Variants in CHRM3 observed in about 807,000 individuals in gnomAD.
CHRM3 encodes the protein cholinergic receptor muscarinic 3.
A neutral mutation model predicts 41.8 loss-of-function variants in CHRM3; 11 were observed. The observed-to-expected ratio is 0.26, with a 90% CI of 0.17 to 0.44. The LOEUF (loss-of-function observed/expected upper bound fraction) is 0.44, where lower values mean the gene tolerates loss of function less well. Ranked by LOEUF, CHRM3 falls within the 20% of genes least tolerant of loss-of-function variation. The probability of loss-of-function intolerance (pLI) is 1.00; values close to 1 mark genes in which losing one functional copy is unlikely to be tolerated. For synonymous variants in CHRM3, 297 were observed against 301.4 expected (o/e 0.99, Z 0.15); for missense variants, 571 against 745.4 (o/e 0.77, Z 2.72).
intron 3 of CHRM3, among the ~76,000 whole-genome samples, chr1:239,575,226 T>C (rs1662220278): frequency 6.6e-6 from 1 of 152,282 alleles, no homozygotes; most frequent in South Asian, 2.1e-4. Context: ...TAAGAACCTC[T>C]ACGTATTAGC....
At chr1:239,413,948 A>G (rs1661304563) in intron 1 of CHRM3, among the ~76,000 whole-genome samples, 1 of 152,192 alleles carries the variant, frequency 6.6e-6, no homozygotes, top group South Asian at 2.1e-4. Context: ...ATCATTTGTA[A>G]GATATCGAAA....
intron 5 of CHRM3, among the ~76,000 whole-genome samples, chr1:239,701,263 G>A (rs571531035): frequency 5.3e-4 from 80 of 152,118 alleles, no homozygotes; most frequent in Non-Finnish European, 9.8e-4. Context: ...TTTGGTCCTC[G>A]TTCTACCAGT....
intron 2 of CHRM3, among the ~76,000 whole-genome samples, chr1:239,523,587 A>G (rs1669795965): frequency 1.3e-5 from 2 of 152,188 alleles, no homozygotes; most frequent in South Asian, 2.1e-4. Flanking sequence ...GAAAATTCTC[A>G]TTGGATGACC....
intron 6 of CHRM3, among the ~76,000 whole-genome samples, chr1:239,880,840 G>T (rs978868597): frequency 6.6e-6 from 1 of 152,132 alleles, no homozygotes; most frequent in Non-Finnish European, 1.5e-5. Context: ...GCAACTAAAA[G>T]CAAGCGAGGC....
intron 2 of CHRM3, among the ~76,000 whole-genome samples, chr1:239,531,387 A>G (rs1365898201): frequency 6.6e-6 from 1 of 152,124 alleles, no homozygotes; most frequent in Non-Finnish European, 1.5e-5. Context: ...CATATGCAAG[A>G]CCCTGAGAAT....
At chr1:239,709,842 C>A (rs573959757) in intron 5 of CHRM3, among the ~76,000 whole-genome samples, 36 of 152,254 alleles carry the variant, frequency 2.4e-4, no homozygotes, top group Non-Finnish European at 4.6e-4. Context: ...CTTGTTTTAT[C>A]TTTTCTTTAA....
chr1:239,808,306 C>T (rs1487001850), intron 5 of CHRM3, among the ~76,000 whole-genome samples: 3 of 152,084 alleles, frequency 2.0e-5, no homozygotes, highest in South Asian at 4.1e-4. Flanking sequence ...TAAATCAGTA[C>T]AGCTCTGATA....
chr1:239,544,720 C>T (rs1479339048), intron 2 of CHRM3, among the ~76,000 whole-genome samples: 1 of 152,226 alleles, frequency 6.6e-6, no homozygotes, highest in Non-Finnish European at 1.5e-5. Flanking sequence ...CGAGATCTCA[C>T]TTTATATCTA....
chr1:239,703,126 A>T (rs1378366651), intron 5 of CHRM3: 1 of 152,146 alleles, frequency 6.6e-6, no homozygotes, highest in Non-Finnish European at 1.5e-5. Context: ...GATAAGCCAT[A>T]CTTCTATTCT....
chr1:239,910,416 A>G lies in CHRM3; in HGVS notation c.*1192A>G, dbSNP rs945277125. On this transcript the variant is annotated 3_prime_UTR_variant, in exon 7 of 7. Coordinates refer to ENST00000676153, the MANE Select transcript of CHRM3 (RefSeq NM_001375978.1). ...TTCTTGCTGAATGGCACCTTCTCAA[A>G]GAAAATAGGGCTTGCACCTTTGTTA... The G allele has an allele frequency of 1.8e-5, 3 of 166,416 alleles. No homozygotes were observed. The highest frequency in any genetic ancestry group is 4.4e-5 in the Non-Finnish European group (3 of 68,024). The allele number at this position is 166,416 out of a possible 1,614,324, so 10.3% of individuals were successfully genotyped here.
chr1:239,635,797 C>T (rs1270037343), intron 4 of CHRM3, among the ~76,000 whole-genome samples: 1 of 152,214 alleles, frequency 6.6e-6, no homozygotes. Flanking sequence ...AACCACCATA[C>T]TTATAATGAT....
chr1:239,479,214 A>G (rs886189794), intron 1 of CHRM3, among the ~76,000 whole-genome samples: 11 of 151,716 alleles, frequency 7.3e-5, no homozygotes, highest in Admixed American at 2.6e-4. Context: ...ACACACACAC[A>G]CACACACACA....
intron 3 of CHRM3, among the ~76,000 whole-genome samples, chr1:239,587,288 G>A (rs1054296473): frequency 5.3e-5 from 8 of 152,122 alleles, no homozygotes; most frequent in African/African-American, 1.9e-4. Flanking sequence ...CCATTGAAGG[G>A]ACCAACTCAG....
intron 3 of CHRM3, among the ~76,000 whole-genome samples, chr1:239,546,828 G>A (rs1445857970): frequency 6.6e-6 from 1 of 152,130 alleles, no homozygotes; most frequent in Non-Finnish European, 1.5e-5. Flanking sequence ...AGGAAACAAT[G>A]TAGGAATTTG....
intron 6 of CHRM3, among the ~76,000 whole-genome samples, chr1:239,900,738 C>T (rs143839064): frequency 2.6e-5 from 4 of 152,162 alleles, no homozygotes; most frequent in African/African-American, 9.6e-5. Context: ...AAGAAAGGCC[C>T]CTACAGCAAT....
intron 6 of CHRM3, among the ~76,000 whole-genome samples, chr1:239,850,488 G>A (rs1028896990): frequency 4.6e-5 from 7 of 152,062 alleles, no homozygotes; most frequent in Non-Finnish European, 7.4e-5. Flanking sequence ...AGTCAAACCC[G>A]TGTCATTCAA....
intron 1 of CHRM3, among the ~76,000 whole-genome samples, chr1:239,485,929 T>TA (rs1667158580): frequency 1.3e-5 from 2 of 152,206 alleles, no homozygotes; most frequent in Admixed American, 1.3e-4. Context: ...TGTTTCTTTA[T>TA]AATTGTCTCA....
At chr1:239,640,970 T>C (rs56096116) in intron 4 of CHRM3, among the ~76,000 whole-genome samples, 50,362 of 149,156 alleles carry the variant, frequency 0.34, 8,393 homozygotes, top group African/African-American at 0.41. Flanking sequence ...GTTGTGTCTT[T>C]GTTCTCATTG....
At chr1:239,581,455 T>G in intron 3 of CHRM3, among the ~76,000 whole-genome samples, 1 of 8,528 alleles carries the variant, frequency 1.2e-4, no homozygotes, top group Non-Finnish European at 2.2e-4. Flanking sequence ...CGTGTGTGTG[T>G]GGGTGGGTGG....
Sources: gnomAD v4.1 joint callset for allele counts (sites outside exome capture counted in the v4.1 genomes callset) on GRCh38, gnomAD v4.1.1 for gene constraint, MANE v1.5 for transcripts, NCBI Gene and HGNC (gene_info 2026-07-23, HGNC 2026-07-21) for gene names.